The following DACH1 variants were observed in gnomAD, a reference collection of about 807,000 sequenced individuals.
The protein encoded by DACH1 is dachshund homolog 1.
In DACH1, 12 loss-of-function variants were observed where a neutral mutation model predicts 54.2. The ratio of observed to expected loss-of-function variants is 0.22; its 90% CI spans 0.14 to 0.36. The LOEUF (loss-of-function observed/expected upper bound fraction) is 0.36, where lower values mean the gene tolerates loss of function less well. Ranked by LOEUF, DACH1 falls within the 10% of genes least tolerant of loss-of-function variation. The pLI is 1.00. For missense variants in DACH1, 805 were observed against 929.8 expected (o/e 0.87, Z 1.75); for synonymous variants, 386 against 366.2 (o/e 1.05, Z -0.62).
chr13:71,748,844 CTCTTTCTTTCTTTCTTTCTTTCTTTCTT>C lies in DACH1; in HGVS notation c.849-66962_849-66935del, dbSNP rs201889116. Among the ~76,000 whole-genome samples, 119 of 131,198 alleles carry C rather than the reference CTCTTTCTTTCTTTCTTTCTTTCTTTCTT, an allele frequency of 9.1e-4. 2 individuals are homozygous for C. The highest frequency in any genetic ancestry group is 4.0e-3 in the East Asian group (15 of 3,768). The allele number at this position is 131,198 out of a possible 152,430, so 86.1% of individuals were successfully genotyped here. On this transcript the variant is annotated intron_variant, in intron 1 of 10. Transcript: ENST00000613252. ...ACCTGAAATATAAAAAATATTTTTT[CTCTTTCTTTCTTTCTTTCTTTCTTTCTT>C]TCTTTCTTTCTTTCTTTCTTTCTTT...
At chr13:71,654,165 A>G (rs1053258246) in intron 2 of DACH1, among the ~76,000 whole-genome samples, 1 of 151,822 alleles carries the variant, frequency 6.6e-6, no homozygotes, top group Non-Finnish European at 1.5e-5. Context: ...CTGAGGCGGG[A>G]AGATCACCTG....
intron 6 of DACH1, among the ~76,000 whole-genome samples, chr13:71,493,968 A>G (rs1485138041): frequency 6.6e-6 from 1 of 152,144 alleles, no homozygotes; most frequent in Non-Finnish European, 1.5e-5. Flanking sequence ...AGATTCTTAA[A>G]TTATCTTGTT....
At chr13:71,594,429 T>C (rs1873949085) in intron 3 of DACH1, among the ~76,000 whole-genome samples, 1 of 152,074 alleles carries the variant, frequency 6.6e-6, no homozygotes, top group Non-Finnish European at 1.5e-5. Context: ...GATATTTTAT[T>C]ACATCAATGG....
intron 1 of DACH1, among the ~76,000 whole-genome samples, chr13:71,858,892 C>CCTCTCTCTCTCT (rs151258252): frequency 7.0e-6 from 1 of 142,156 alleles, no homozygotes; most frequent in African/African-American, 2.6e-5. Context: ...CCTCTCTCTG[C>CCTCTCTCTCTCT]CTCTCTCTCT....
intron 3 of DACH1, among the ~76,000 whole-genome samples, chr13:71,603,421 G>C (rs1210726796): frequency 6.6e-6 from 1 of 151,942 alleles, no homozygotes; most frequent in Non-Finnish European, 1.5e-5. Flanking sequence ...AGCCCCTTCT[G>C]AGATCTAAAA....
chr13:71,448,272 A>C (rs1027903535), intron 10 of DACH1, among the ~76,000 whole-genome samples: 14 of 152,208 alleles, frequency 9.2e-5, no homozygotes, highest in Admixed American at 1.3e-4. Flanking sequence ...CAGAAAGTTT[A>C]ATATTTACTT....
At chr13:71,503,845 T>C (rs2138239137) in intron 6 of DACH1, among the ~76,000 whole-genome samples, 1 of 152,314 alleles carries the variant, frequency 6.6e-6, no homozygotes, top group South Asian at 2.1e-4. Context: ...ATTTTACGAC[T>C]TTTTCCTTTA....
chr13:71,735,309 C>CGT (rs1474648950), intron 1 of DACH1, among the ~76,000 whole-genome samples: 1 of 61,422 alleles, frequency 1.6e-5, no homozygotes, highest in African/African-American at 5.3e-5. Flanking sequence ...ACGGGATATA[C>CGT]GTGTATATGG....
intron 3 of DACH1, among the ~76,000 whole-genome samples, chr13:71,593,575 T>A (rs1873882123): frequency 6.6e-6 from 1 of 152,118 alleles, no homozygotes; most frequent in African/African-American, 2.4e-5. Flanking sequence ...GCATGAAAAT[T>A]TAATTTTTAG....
intron 3 of DACH1, 31 bp downstream of exon 3, chr13:71,630,525 C>A: frequency 1.3e-6 from 2 of 1,532,446 alleles, no homozygotes; most frequent in Non-Finnish European, 1.7e-6. Flanking sequence ...GCAAAGTGAT[C>A]ACAATAAGTT....
intron 1 of DACH1, among the ~76,000 whole-genome samples, chr13:71,782,668 T>C (rs996791794): frequency 3.3e-5 from 5 of 152,128 alleles, no homozygotes; most frequent in African/African-American, 9.7e-5. Context: ...TCCATTCATC[T>C]GCTTTTTCCC....
At chr13:71,657,262 T>C (rs1292768543) in intron 2 of DACH1, among the ~76,000 whole-genome samples, 1 of 151,932 alleles carries the variant, frequency 6.6e-6, no homozygotes, top group African/African-American at 2.4e-5. Flanking sequence ...AAATGCTTCC[T>C]AGGCCGGGTA....
At chr13:71,600,525 G>A (rs1440925460) in intron 3 of DACH1, among the ~76,000 whole-genome samples, 2 of 151,634 alleles carry the variant, frequency 1.3e-5, no homozygotes, top group African/African-American at 4.8e-5. Context: ...ATATATACAA[G>A]TATACATGCA....
intron 1 of DACH1, among the ~76,000 whole-genome samples, chr13:71,865,094 C>T (rs1056115911): frequency 2.6e-5 from 4 of 152,150 alleles, no homozygotes; most frequent in African/African-American, 9.7e-5. Flanking sequence ...AATCGGTCAC[C>T]TCCCCCTACC....
chr13:71,817,732 T>C (rs984423588), intron 1 of DACH1, among the ~76,000 whole-genome samples: 3 of 152,196 alleles, frequency 2.0e-5, no homozygotes, highest in Non-Finnish European at 2.9e-5. Context: ...AAATAAAATA[T>C]ATGATTAAAA....
At chr13:71,818,430 G>T (rs1888050962) in intron 1 of DACH1, among the ~76,000 whole-genome samples, 1 of 152,126 alleles carries the variant, frequency 6.6e-6, no homozygotes, top group South Asian at 2.1e-4. Context: ...GATGGTAGGT[G>T]AATTTGGAGA....
chr13:71,722,142 A>G (rs904029160), intron 1 of DACH1, among the ~76,000 whole-genome samples: 2 of 152,180 alleles, frequency 1.3e-5, no homozygotes, highest in Non-Finnish European at 2.9e-5. Flanking sequence ...AACAGGTAAT[A>G]CAATCAGGAT....
chr13:71,689,617 A>G (rs867044494), intron 1 of DACH1, among the ~76,000 whole-genome samples: 2 of 152,170 alleles, frequency 1.3e-5, no homozygotes, highest in South Asian at 4.1e-4. Flanking sequence ...AGTACAAGAA[A>G]TTTATTTAAT....
intron 6 of DACH1, among the ~76,000 whole-genome samples, chr13:71,555,383 AC>A (rs904389694): frequency 1.3e-5 from 2 of 151,170 alleles, no homozygotes; most frequent in African/African-American, 4.9e-5. Flanking sequence ...TCACTCTGTC[AC>A]CCGGGCTGCA....
Sources: allele counts gnomAD v4.1 joint callset (sites outside exome capture counted in the v4.1 genomes callset), GRCh38; gene constraint gnomAD v4.1.1; transcripts MANE v1.5; gene names NCBI Gene and HGNC (gene_info 2026-07-23, HGNC 2026-07-21).